The following RFXANK variants were observed in gnomAD, a reference collection of about 807,000 sequenced individuals.
RFXANK encodes the protein DNA-binding protein RFXANK.
Under a neutral mutation model 34.5 loss-of-function variants are expected in RFXANK, and 19 were observed. That is an observed-to-expected ratio of 0.55 (90% CI 0.38 to 0.81). The LOEUF (loss-of-function observed/expected upper bound fraction) is 0.81. Among genes scored for constraint, RFXANK ranks in the 30% least tolerant of loss-of-function variants. The pLI is 0.00. For synonymous variants in RFXANK, 154 were observed against 149.8 expected, an observed-to-expected ratio of 1.03 and a Z score of -0.20; for missense variants, 295 against 343.5, an observed-to-expected ratio of 0.86 and a Z score of 1.12.
chr19:19,199,717 G>C (rs1252941747), intron 9 of RFXANK, among the ~76,000 whole-genome samples: 3 of 152,128 alleles, frequency 2.0e-5, no homozygotes, highest in Non-Finnish European at 4.4e-5. Flanking sequence ...AGGGGTAGGC[G>C]ACCAGGCCAT....
chr19:19,197,584 T>C lies in RFXANK; in HGVS notation c.401T>C (p.Phe134Ser). 1 of 1,613,790 alleles carries C rather than the reference T, an allele frequency of 6.2e-7. No individual in the cohort carries two copies. Among genetic ancestry groups the C allele is most frequent in the Non-Finnish European group, 8.5e-7 (1 of 1,179,966 alleles). The change falls in exon 6 of 10, where the codon TTT becomes TCT. Residue 134 changes from phenylalanine (F) to serine (S), a missense_variant. Physicochemically the swap from Phe to Ser is radical, Grantham distance 155 (BLOSUM62 -2). Transcript: ENST00000303088. ...GFTPLIWASA[F>S]GEIETVRFLL... ...ACCCCCCTCATCTGGGCCTCCGCCT[T>C]TGGAGAGATTGAGACCGTTCGCTTC...
intron 9 of RFXANK, among the ~76,000 whole-genome samples, chr19:19,200,331 T>C (rs1293528857): frequency 6.7e-6 from 1 of 149,006 alleles, no homozygotes; most frequent in Non-Finnish European, 1.5e-5. Flanking sequence ...GTGCACACCA[T>C]GACGCCCGGC....
At chr19:19,193,785 T>C (rs905354737) in intron 2 of RFXANK, among the ~76,000 whole-genome samples, 154 bp from the exon 3 acceptor site, 3 of 152,156 alleles carry the variant, frequency 2.0e-5, no homozygotes, top group Admixed American at 6.5e-5. Flanking sequence ...TCGAAAGCAG[T>C]TGGACTCTGG....
At chr19:19,197,647 TG>T (rs763348024) in intron 6 of RFXANK, 26 bp downstream of exon 6, 1 of 1,607,424 alleles carries the variant, frequency 6.2e-7, no homozygotes, top group Non-Finnish European at 8.5e-7. Flanking sequence ...GCTGGGCAGC[TG>T]GGGGGTTCCC....
rs201676379 is a variant in RFXANK at position 19,198,704 on chromosome 19, A to G, written c.612A>G (p.Lys204=). ...LLYAVRGNHV[K]CVEALLARGA... ...ACGCTGTGCGCGGGAACCACGTGAA[A>G]TGCGTTGAGGCCTTGCTGGGTGAGT... is the stretch of plus-strand genomic sequence containing the variant. Residue 204 remains lysine (K), a synonymous_variant, in exon 8 of 10, where the codon AAA becomes AAG. Transcript: ENST00000303088. 2.1e-5 allele frequency: 34 copies of G among 1,613,998 alleles called. No homozygotes were observed. The highest frequency in any genetic ancestry group is 2.6e-5 in the Non-Finnish European group (31 of 1,180,030).
At position 19,201,597 on chromosome 19, in the gene RFXANK, A is replaced by G. The variant is rs768345868; in HGVS notation, c.713-52A>G. ...AGAGCGCAGGTTGGCCTGTGCCTCC[A>G]CCCCACTCCCGATTCAAGCTCACAG... is the stretch of plus-strand genomic sequence containing the variant. On this transcript the variant is annotated intron_variant, in intron 9 of 9. Coordinates refer to ENST00000303088, the MANE Select transcript of RFXANK (RefSeq NM_003721.4). 1.1e-5 allele frequency: 18 copies of G among 1,612,820 alleles called. No individual in the cohort carries two copies. In the Admixed American group the frequency reaches 1.5e-4, roughly 13 times the overall value.
chr19:19,198,209 G>A lies in RFXANK; in HGVS notation c.541G>A (p.Val181Met), dbSNP rs761939764. 1.2e-6 allele frequency: 2 copies of A among 1,614,170 alleles called. No homozygotes were observed. Among genetic ancestry groups the A allele is most frequent in the South Asian group, 1.1e-5 (1 of 91,082 alleles). Residue 181 changes from valine to methionine, a missense_variant, in exon 7 of 10, where the codon GTG becomes ATG. Transcript: ENST00000303088. ...TGTGGGGCTGCTGCTGGAGCGTGAC[G>A]TGGACATCAACATCTATGATTGGGT... Reference protein sequence around the residue: ...DIVGLLLERDVDINIYDWNGG... With the variant: ...DIVGLLLERDMDINIYDWNGG...
chr19:19,197,690 G>C, intron 6 of RFXANK, 69 bp downstream of exon 6: 1 of 1,383,898 alleles, frequency 7.2e-7, no homozygotes, highest in Admixed American at 1.8e-5. Flanking sequence ...GGTTTTGGCT[G>C]TGTCTGCTGG....
At position 19,197,213 on chromosome 19, in the gene RFXANK, A is replaced by G. The variant is rs2060615482; in HGVS notation, c.299A>G (p.Gln100Arg). 2 of 1,613,642 alleles carry G rather than the reference A, an allele frequency of 1.2e-6. No homozygotes were observed. Among genetic ancestry groups the G allele is most frequent in the Non-Finnish European group, 1.7e-6 (2 of 1,180,014 alleles). Residue 100 changes from glutamine to arginine, a missense_variant, in exon 5 of 10, where the codon CAG becomes CGG. By Grantham distance (43) the Gln-to-Arg change is conservative (BLOSUM62 1). Transcript: ENST00000303088. ...CTGTCCATCCACCAGCTCGCAGCACAGGGGGAGCTGGACCAGCTGAAGGAG... is the reference window on the plus strand; with the variant it reads ...CTGTCCATCCACCAGCTCGCAGCACGGGGGGAGCTGGACCAGCTGAAGGAG... Reference protein sequence around the residue: ...DSLSIHQLAAQGELDQLKEHL... With the variant: ...DSLSIHQLAARGELDQLKEHL...
intron 9 of RFXANK, 113 bp from the exon 10 acceptor site, chr19:19,201,536 G>C: frequency 1.2e-6 from 2 of 1,603,964 alleles, no homozygotes; most frequent in Non-Finnish European, 1.7e-6. Flanking sequence ...CTGTAATGCA[G>C]GTCTCTGCAA....
At chr19:19,193,635 C>T (rs1313971514) in intron 2 of RFXANK, among the ~76,000 whole-genome samples, 5 of 151,966 alleles carry the variant, frequency 3.3e-5, no homozygotes, top group East Asian at 1.9e-4. Flanking sequence ...AGCCTGGTCT[C>T]GAACTCCTGA....
chr19:19,196,821 C>T lies in RFXANK; in HGVS notation c.188-142C>T, dbSNP rs1258111609. 10 of 798,346 alleles carry T rather than the reference C, an allele frequency of 1.3e-5. No individual in the cohort carries two copies. In the East Asian group the frequency reaches 1.3e-4, roughly 10 times the overall value. The allele number at this position is 798,346 out of a possible 1,614,324, so 49.5% of individuals were successfully genotyped here. On this transcript the variant is annotated intron_variant, in intron 3 of 9. Transcript: ENST00000303088. ...CAGAGGTTGCAGTGAGCCGAGATCA[C>T]GCCACTGTACTCCAGCCTGGGGGAC...
rs1240212432 is a variant in RFXANK at position 19,194,047 on chromosome 19, G to T, written c.101G>T (p.Gly34Val). Residue 34 changes from glycine (G) to valine (V), a missense_variant, in exon 3 of 10, where the codon GGC becomes GTC. Transcript: ENST00000303088. ...GACCCCGGAGAGGAGGCTGCAGATG[G>T]CTCAGACACTGTGGTCCTCAGTCTC... Reference protein sequence around the residue: ...PEDPGEEAADGSDTVVLSLFP... With the variant: ...PEDPGEEAADVSDTVVLSLFP... The T allele has an allele frequency of 6.2e-7, 1 of 1,614,146 alleles. No individual in the cohort carries two copies. Among genetic ancestry groups the T allele is most frequent in the Non-Finnish European group, 8.5e-7 (1 of 1,180,010 alleles).
chr19:19,197,969 G>A (rs945592013), intron 6 of RFXANK, 138 bp from the exon 7 acceptor site: 49 of 1,176,224 alleles, frequency 4.2e-5, no homozygotes, highest in East Asian at 9.5e-5. Context: ...CCGAGATTGC[G>A]CCACTGCACT....
chr19:19,199,263 G>T, intron 9 of RFXANK, 29 bp downstream of exon 9: 1 of 1,609,848 alleles, frequency 6.2e-7, no homozygotes, highest in Non-Finnish European at 8.5e-7. Context: ...GAGCAGGGGT[G>T]GGGTCCCTTC....
chr19:19,198,271 G>GAA (rs1374720687), intron 7 of RFXANK, 39 bp downstream of exon 7: 1 of 1,613,268 alleles, frequency 6.2e-7, no homozygotes, highest in Non-Finnish European at 8.5e-7. Flanking sequence ...TCAGCCTCCT[G>GAA]GCCTTCATTC....
In RFXANK at chr19:19,194,151, G is replaced by C. The variant is rs1441677053; in HGVS notation, c.187+18G>C. On this transcript the variant is annotated intron_variant, in intron 3 of 9. Coordinates refer to ENST00000303088, the MANE Select transcript of RFXANK (RefSeq NM_003721.4). Reference sequence around the variant, plus strand: ...TCCACAGGGTAGGATACCTCCTCTGGGATTAGCCCTCTGGGATTCCATGAT... The same window carrying C: ...TCCACAGGGTAGGATACCTCCTCTGCGATTAGCCCTCTGGGATTCCATGAT... 2 of 1,612,696 alleles carry C rather than the reference G, an allele frequency of 1.2e-6. No individual in the cohort carries two copies. Among genetic ancestry groups the C allele is most frequent in the East Asian group, 4.5e-5 (2 of 44,888 alleles).
chr19:19,197,323 T>C (rs2060617915), intron 5 of RFXANK, 72 bp downstream of exon 5: 10 of 1,481,448 alleles, frequency 6.8e-6, no homozygotes, highest in Admixed American at 1.7e-5. Context: ...CCATACCCAC[T>C]CATGACGTGA....
chr19:19,197,386 C>T lies in RFXANK; in HGVS notation c.337+135C>T. ...ATCTAACTGTGTGTGTGACCGTGTTCATGTATGTCCATCAACATACGCTCC... is the reference window on the plus strand; with the variant it reads ...ATCTAACTGTGTGTGTGACCGTGTTTATGTATGTCCATCAACATACGCTCC... On this transcript the variant is annotated intron_variant, in intron 5 of 9. Coordinates refer to ENST00000303088, the MANE Select transcript of RFXANK (RefSeq NM_003721.4). 4.2e-6 allele frequency: 5 copies of T among 1,192,276 alleles called. No homozygotes were observed. The South Asian group carries it at 5.1e-5, about 12-fold the overall frequency. 73.9% of individuals were successfully genotyped at this position (1,192,276 alleles called of 1,614,324 possible). A position where few individuals can be genotyped will look rare whatever the true frequency, so the allele number is the denominator to read the frequency against.
Sources: allele counts gnomAD v4.1 joint callset (sites outside exome capture counted in the v4.1 genomes callset), GRCh38; gene constraint gnomAD v4.1.1; transcripts MANE v1.5; gene names NCBI Gene and HGNC (gene_info 2026-07-23, HGNC 2026-07-21).